PXDNL: variants seen among roughly 807,000 people sequenced by gnomAD.
The protein encoded by PXDNL is peroxidasin like.
In PXDNL, 145 loss-of-function variants were observed where a neutral mutation model predicts 150.8. The ratio of observed to expected loss-of-function variants is 0.96; its 90% CI spans 0.84 to 1.10. The LOEUF (loss-of-function observed/expected upper bound fraction) is 1.10, where lower values mean the gene tolerates loss of function less well. Among genes scored for constraint, PXDNL ranks in the 50% least tolerant of loss-of-function variants. The pLI is 0.00. For missense variants in PXDNL, 2,087 were observed against 1,873.9 expected (o/e 1.11, Z -2.10); for synonymous variants, 757 against 725.7 (o/e 1.04, Z -0.69).
At chr8:51,430,884 C>T (rs16916261) in intron 12 of PXDNL, among the ~76,000 whole-genome samples, 3,181 of 152,158 alleles carry the variant, frequency 0.021, 129 homozygotes, top group African/African-American at 0.072. Flanking sequence ...AACAAACTGC[C>T]CTTGTCAATT....
At chr8:51,764,643 A>C (rs1229802008) in intron 1 of PXDNL, among the ~76,000 whole-genome samples, 6 of 152,094 alleles carry the variant, frequency 3.9e-5, no homozygotes, top group Admixed American at 3.9e-4. Context: ...TTCAAATTCT[A>C]TTCCAGGTAG....
rs1383084419 is a variant in PXDNL, at chr8:51,319,688, T to G, written c.*203A>C. 9 of 363,168 alleles carry G rather than the reference T, an allele frequency of 2.5e-5. No homozygotes were observed. Among genetic ancestry groups the G allele is most frequent in the Non-Finnish European group, 4.3e-5 (9 of 209,496 alleles). The allele number at this position is 363,168 out of a possible 1,614,324, so 22.5% of individuals were successfully genotyped here. A position where few individuals can be genotyped will look rare whatever the true frequency, so the allele number is the denominator to read the frequency against. ...ATCAAACACTTCATATGCACTTTAT[T>G]GCTTTTAGTTTTGAATTATTTCAAG... On this transcript the variant is annotated 3_prime_UTR_variant, in exon 23 of 23. Coordinates refer to ENST00000356297, the MANE Select transcript of PXDNL (RefSeq NM_144651.5).
At chr8:51,731,611 C>G (rs1450568897) in intron 1 of PXDNL, among the ~76,000 whole-genome samples, 1 of 152,252 alleles carries the variant, frequency 6.6e-6, no homozygotes, top group African/African-American at 2.4e-5. Context: ...CCCTTTTGCA[C>G]TGTCCTAGCA....
chr8:51,413,511 T>C (rs563918415), intron 14 of PXDNL, among the ~76,000 whole-genome samples: 1 of 152,332 alleles, frequency 6.6e-6, no homozygotes, highest in Admixed American at 6.5e-5. Context: ...AGTAAAGCTA[T>C]GTAAAATATT....
At chr8:51,445,193 T>C (rs1809647520) in intron 12 of PXDNL, among the ~76,000 whole-genome samples, 1 of 152,174 alleles carries the variant, frequency 6.6e-6, no homozygotes, top group Non-Finnish European at 1.5e-5. Flanking sequence ...GTGTTGGGAT[T>C]ACAGGTGTGA....
chr8:51,509,739 TATACAC>T (rs1389766750), intron 4 of PXDNL, among the ~76,000 whole-genome samples: 28 of 106,214 alleles, frequency 2.6e-4, no homozygotes, highest in Non-Finnish European at 1.5e-4. Flanking sequence ...TATATACATA[TATACAC>T]ACACACACAC....
At chr8:51,498,465 A>G (rs998618361) in intron 5 of PXDNL, among the ~76,000 whole-genome samples, 1 of 152,130 alleles carries the variant, frequency 6.6e-6, no homozygotes, top group Non-Finnish European at 1.5e-5. Context: ...ATTTATTAAT[A>G]TAAGGTATTA....
At chr8:51,776,156 G>A (rs547772535) in intron 1 of PXDNL, among the ~76,000 whole-genome samples, 1 of 152,252 alleles carries the variant, frequency 6.6e-6, no homozygotes, top group Non-Finnish European at 1.5e-5. Context: ...CTCCTGATAA[G>A]ATGTTATCAA....
intron 4 of PXDNL, among the ~76,000 whole-genome samples, chr8:51,522,639 G>A (rs1407839042): frequency 6.6e-6 from 1 of 152,040 alleles, no homozygotes; most frequent in African/African-American, 2.4e-5. Flanking sequence ...AGGTCAGGAG[G>A]TCAAGACCAG....
intron 2 of PXDNL, among the ~76,000 whole-genome samples, chr8:51,619,009 C>G (rs1192483486): frequency 6.6e-6 from 1 of 152,164 alleles, no homozygotes; most frequent in African/African-American, 2.4e-5. Flanking sequence ...TAACATAGAT[C>G]AGACCTCTCA....
Position 51,696,328 on chromosome 8 carries a change from C to G in PXDNL, c.165-41568G>C, listed in dbSNP as rs77441227. ...GCCGTTATAAGAAGAGGAAGAGGCC[C>G]AGATCTCTTGCTCTGCCATGTGAGG... On this transcript the variant is annotated intron_variant, in intron 1 of 22. Coordinates refer to ENST00000356297, the MANE Select transcript of PXDNL (RefSeq NM_144651.5). Among the ~76,000 whole-genome samples the G allele has an allele frequency of 4.6e-3, 694 of 152,324 alleles. 17 individuals carry two copies. The East Asian group carries it at 0.089, about 20-fold the overall frequency.
chr8:51,339,658 T>A lies in PXDNL; in HGVS notation c.4112A>T (p.Glu1371Val). ...GAGTGCTGTGATGGTTTCCTGAATT[T>A]CCGCTGCAAACGTGCTGAAATCTTG... is the stretch of plus-strand genomic sequence containing the variant. The part of the protein sequence containing the change: ...FSQDFSTFAA[E>V]IQETITALRE... The change falls in exon 21 of 23, where the codon GAA becomes GTA. Residue 1371 changes from glutamate to valine, a missense_variant. By Grantham distance (121) the Glu-to-Val change is moderately radical (BLOSUM62 -2). Coordinates refer to ENST00000356297, the MANE Select transcript of PXDNL (RefSeq NM_144651.5). The A allele has an allele frequency of 1.2e-6, 2 of 1,613,902 alleles. No homozygotes were observed. Among genetic ancestry groups the A allele is most frequent in the Non-Finnish European group, 1.7e-6 (2 of 1,179,834 alleles).
At chr8:51,566,811 T>C (rs915053970) in intron 3 of PXDNL, among the ~76,000 whole-genome samples, 1 of 151,530 alleles carries the variant, frequency 6.6e-6, no homozygotes, top group Non-Finnish European at 1.5e-5. Context: ...TTTGTAATTA[T>C]CCATTTCTTC....
chr8:51,801,274 C>T (rs1281228655), intron 1 of PXDNL, among the ~76,000 whole-genome samples: 1 of 152,114 alleles, frequency 6.6e-6, no homozygotes, highest in African/African-American at 2.4e-5. Flanking sequence ...AGATCCCGCC[C>T]TGGTAAATTT....
In PXDNL at chr8:51,458,590, C is replaced by A. The variant is rs191682330; in HGVS notation, c.813-923G>T. On this transcript the variant is annotated intron_variant, in intron 8 of 22. Transcript: ENST00000356297. The stretch of plus-strand genomic sequence containing the variant: ...TTTCTAAACACCGATGTTTTGTCAC[C>A]CATAAAAACATCATTCCCAGAAAAG... 5.3e-5 allele frequency among the ~76,000 whole-genome samples: 8 copies of A among 152,246 alleles called. No individual in the cohort carries two copies. In the East Asian group the frequency reaches 1.5e-3, roughly 29 times the overall value.
intron 1 of PXDNL, among the ~76,000 whole-genome samples, chr8:51,708,801 G>A (rs1400173221): frequency 6.6e-6 from 1 of 151,962 alleles, no homozygotes; most frequent in Non-Finnish European, 1.5e-5. Context: ...CTAAACCTGT[G>A]TTCCATAGGA....
chr8:51,663,526 A>C (rs1241830829), intron 1 of PXDNL, among the ~76,000 whole-genome samples: 1 of 152,168 alleles, frequency 6.6e-6, no homozygotes, highest in Non-Finnish European at 1.5e-5. Flanking sequence ...TAACCAGTTC[A>C]AGGCAAGTCA....
intron 1 of PXDNL, among the ~76,000 whole-genome samples, chr8:51,781,284 T>G (rs1183195409): frequency 2.0e-5 from 3 of 152,114 alleles, no homozygotes; most frequent in Non-Finnish European, 4.4e-5. Flanking sequence ...TTCTCTGACT[T>G]TGTGTGCCTT....
intron 1 of PXDNL, among the ~76,000 whole-genome samples, chr8:51,704,212 T>C (rs2956887): frequency 0.85 from 129,128 of 152,260 alleles, 55,141 homozygotes; most frequent in African/African-American, 0.95. Context: ...TTAAGTTTTA[T>C]ATGTTTTAAG....
Sources: gnomAD v4.1 joint callset for allele counts (sites outside exome capture counted in the v4.1 genomes callset) on GRCh38, gnomAD v4.1.1 for gene constraint, MANE v1.5 for transcripts, NCBI Gene and HGNC (gene_info 2026-07-23, HGNC 2026-07-21) for gene names.